Variants in SLC25A37 observed in about 807,000 individuals in gnomAD.
SLC25A37 encodes the protein mitoferrin-1.
A neutral mutation model predicts 31.0 loss-of-function variants in SLC25A37; 17 were observed. That is an observed-to-expected ratio of 0.55 (90% CI 0.38 to 0.82). The LOEUF is 0.82. Ranked by LOEUF, SLC25A37 falls within the 40% of genes least tolerant of loss-of-function variation. The probability of loss-of-function intolerance (pLI) is 0.00; values close to 1 mark genes in which losing one functional copy is unlikely to be tolerated. For synonymous variants in SLC25A37, 222 were observed against 193.0 expected (o/e 1.15, Z -1.24); for missense variants, 404 against 465.8 (o/e 0.87, Z 1.22).
At chr8:23,555,285 A>T (rs77245306) in intron 1 of SLC25A37, among the ~76,000 whole-genome samples, 1 of 152,228 alleles carries the variant, frequency 6.6e-6, no homozygotes, top group Non-Finnish European at 1.5e-5. Flanking sequence ...GAAATAGTGT[A>T]GAAGAGATTG....
chr8:23,568,537 G>T (rs573399084), intron 3 of SLC25A37, 159 bp downstream of exon 3: 6 of 781,554 alleles, frequency 7.7e-6, no homozygotes, highest in Non-Finnish European at 1.3e-5. Flanking sequence ...GTTATCAAAG[G>T]CCTCAAGAAA....
chr8:23,546,528 G>GGTGTATATATATATATATATATA (rs1563255815), intron 1 of SLC25A37, among the ~76,000 whole-genome samples: 10 of 78,506 alleles, frequency 1.3e-4, no homozygotes, highest in Non-Finnish European at 2.2e-4. Flanking sequence ...TATATATATA[G>GGTGTATATATATATATATATATA]GTGTATATAT....
chr8:23,530,173 G>A (rs1801635809), intron 1 of SLC25A37, among the ~76,000 whole-genome samples: 1 of 152,192 alleles, frequency 6.6e-6, no homozygotes, highest in African/African-American at 2.4e-5. Flanking sequence ...CCTAATTCAT[G>A]CAACAGCCCT....
intron 1 of SLC25A37, among the ~76,000 whole-genome samples, chr8:23,538,323 G>T (rs944920338): frequency 7.3e-6 from 1 of 136,244 alleles, no homozygotes; most frequent in African/African-American, 2.7e-5. Flanking sequence ...GGAGGTTGCA[G>T]TGAGCCGAGA....
Position 23,535,949 on chromosome 8 carries a change from T to A in SLC25A37, c.210+6737T>A, listed in dbSNP as rs190264127. ...GAATTATGGGAGCCACTATTCAAGA[T>A]GAGATTTGAGTGGGGACGCAGCCAA... On this transcript the variant is annotated intron_variant, in intron 1 of 3. Coordinates refer to ENST00000519973, the MANE Select transcript of SLC25A37 (RefSeq NM_016612.4). 8.9e-4 allele frequency among the ~76,000 whole-genome samples: 136 copies of A among 151,988 alleles called. 1 individual carries two copies. The highest frequency in any genetic ancestry group is 1.5e-4 in the Non-Finnish European group (10 of 67,926).
At chr8:23,538,356 G>A (rs139022785) in intron 1 of SLC25A37, among the ~76,000 whole-genome samples, 4,273 of 126,014 alleles carry the variant, frequency 0.034, 202 homozygotes, top group East Asian at 0.29. Flanking sequence ...ACTCCAGCCC[G>A]GACAACAGAG....
chr8:23,548,552 C>T (rs1042862853), intron 1 of SLC25A37, among the ~76,000 whole-genome samples: 4 of 148,986 alleles, frequency 2.7e-5, no homozygotes, highest in African/African-American at 7.5e-5. Context: ...CTCACTGTAA[C>T]CTCCACCTCC....
At chr8:23,560,268 AAAAAAT>A (rs1802480546) in intron 1 of SLC25A37, among the ~76,000 whole-genome samples, 1 of 152,186 alleles carries the variant, frequency 6.6e-6, no homozygotes, top group African/African-American at 2.4e-5. Flanking sequence ...CCCTGTCTTA[AAAAAAT>A]AAAAATAAAA....
intron 1 of SLC25A37, among the ~76,000 whole-genome samples, chr8:23,534,797 T>C (rs1281802421): frequency 6.6e-6 from 1 of 152,238 alleles, no homozygotes; most frequent in East Asian, 1.9e-4. Flanking sequence ...GCACTTCACA[T>C]GCCTGGTACA....
At position 23,573,963 on chromosome 8, in the gene SLC25A37, C is replaced by A; in HGVS notation, c.*2108C>A. The A allele has an allele frequency of 2.8e-6, 1 of 362,878 alleles. No homozygotes were observed. Among genetic ancestry groups the A allele is most frequent in the South Asian group, 1.9e-5 (1 of 52,138 alleles). The allele number at this position is 362,878 out of a possible 1,614,324, so 22.5% of individuals were successfully genotyped here. On this transcript the variant is annotated 3_prime_UTR_variant, in exon 4 of 4. Coordinates refer to ENST00000519973, the MANE Select transcript of SLC25A37 (RefSeq NM_016612.4). ...TCGTGTTAAATGGTGTTAAATTCTG[C>A]AAATGGAGGGGAAAAAAATCAAATT... is the stretch of plus-strand genomic sequence containing the variant.
rs776120138 is a variant in SLC25A37, at chr8:23,529,045, C to T, written c.43C>T (p.Arg15Trp). ...SGSVGSQAVARRMDGDSRDGG... is the reference protein window; with the variant it reads ...SGSVGSQAVAWRMDGDSRDGG... ...GAGCGTGGGCAGCCAGGCGGTGGCGCGGAGGATGGATGGGGACAGCCGAGA... is the reference window on the plus strand; with the variant it reads ...GAGCGTGGGCAGCCAGGCGGTGGCGTGGAGGATGGATGGGGACAGCCGAGA... Residue 15 changes from arginine (R) to tryptophan (W), a missense_variant, in exon 1 of 4, where the codon CGG becomes TGG. Coordinates refer to ENST00000519973, the MANE Select transcript of SLC25A37 (RefSeq NM_016612.4). This position sits in a 1 kb window ranked among gnomAD's most constrained non-coding sequence, Gnocchi z 4.1. The T allele has an allele frequency of 1.9e-6, 3 of 1,567,826 alleles. No individual in the cohort carries two copies. Among genetic ancestry groups the T allele is most frequent in the Non-Finnish European group, 2.6e-6 (3 of 1,158,226 alleles).
rs374489373 is a variant in SLC25A37, at chr8:23,570,948, CAG to C, written c.497-386_497-385del. ...TGGGGAAGGAGGAGGGCAGAGGGGA[CAG>C]GGGACAGGATTCAGCTTTGTGGTGG... is the stretch of plus-strand genomic sequence containing the variant. On this transcript the variant is annotated intron_variant, in intron 3 of 3. Transcript: ENST00000519973. Among the ~76,000 whole-genome samples the C allele has an allele frequency of 1.8e-4, 27 of 152,184 alleles. No individual in the cohort carries two copies. In the East Asian group the frequency reaches 1.9e-3, roughly 11 times the overall value.
chr8:23,529,123 A>G lies in SLC25A37; in HGVS notation c.121A>G (p.Thr41Ala). The G allele has an allele frequency of 6.2e-7, 1 of 1,611,242 alleles. No homozygotes were observed. The highest frequency in any genetic ancestry group is 8.5e-7 in the Non-Finnish European group (1 of 1,179,162). The change falls in exon 1 of 4, where the codon ACT becomes GCT. Residue 41 changes from threonine to alanine, a missense_variant. Physicochemically the swap from Thr to Ala is moderately conservative, Grantham distance 58 (BLOSUM62 0). Transcript: ENST00000519973. This position sits in a 1 kb window ranked among gnomAD's most constrained non-coding sequence, Gnocchi z 4.1. ...GTCGGAGGACTACGAGAACCTGCCG[A>G]CTAGCGCCTCCGTGTCCACCCACAT... Reference protein sequence around the residue: ...TGSEDYENLPTSASVSTHMTA... With the variant: ...TGSEDYENLPASASVSTHMTA...
intron 3 of SLC25A37, among the ~76,000 whole-genome samples, chr8:23,570,018 C>T (rs772272410): frequency 6.6e-6 from 1 of 151,996 alleles, no homozygotes; most frequent in South Asian, 2.1e-4. Flanking sequence ...TTCTCAGCTA[C>T]CCTCCATGTC....
intron 1 of SLC25A37, among the ~76,000 whole-genome samples, chr8:23,537,761 C>A (rs1801800023): frequency 6.6e-6 from 1 of 152,174 alleles, no homozygotes; most frequent in Non-Finnish European, 1.5e-5. Flanking sequence ...GTAAGTTTAG[C>A]TGATTGGAGT....
chr8:23,537,495 A>C (rs1224676796), intron 1 of SLC25A37, among the ~76,000 whole-genome samples: 1 of 152,208 alleles, frequency 6.6e-6, no homozygotes, highest in Admixed American at 6.5e-5. Flanking sequence ...GAGCTTCTGC[A>C]GTTCATTCTG....
At chr8:23,545,582 T>A (rs1033701246) in intron 1 of SLC25A37, among the ~76,000 whole-genome samples, 1 of 152,218 alleles carries the variant, frequency 6.6e-6, no homozygotes, top group African/African-American at 2.4e-5. Context: ...AGGGGGTCTT[T>A]GTTACAAAAT....
At chr8:23,548,170 C>A (rs1307045500) in intron 1 of SLC25A37, among the ~76,000 whole-genome samples, 3 of 152,054 alleles carry the variant, frequency 2.0e-5, no homozygotes, top group Admixed American at 6.6e-5. Flanking sequence ...CACTTCATTT[C>A]TTCTCTCTTT....
At chr8:23,553,007 T>A (rs376368179) in intron 1 of SLC25A37, among the ~76,000 whole-genome samples, 1 of 152,240 alleles carries the variant, frequency 6.6e-6, no homozygotes, top group African/African-American at 2.4e-5. Flanking sequence ...TGGATACTCC[T>A]CTTATCTCCC....
Sources: gnomAD v4.1 joint callset for allele counts (sites outside exome capture counted in the v4.1 genomes callset) on GRCh38, gnomAD v4.1.1 for gene constraint, Gnocchi (gnomAD v3.1) non-coding constraint, MANE v1.5 for transcripts, NCBI Gene and HGNC (gene_info 2026-07-23, HGNC 2026-07-21) for gene names.